Variants in KMT2B observed in about 807,000 individuals in gnomAD.
KMT2B encodes the protein histone-lysine N-methyltransferase 2B.
KMT2B carries 22 observed loss-of-function variants against 255.3 expected under a neutral mutation model. That is an observed-to-expected ratio of 0.09 (90% confidence interval 0.06 to 0.12). KMT2B has a LOEUF of 0.12. Among genes scored for constraint, KMT2B ranks in the 10% least tolerant of loss-of-function variants. KMT2B has a pLI of 1.00. For missense variants in KMT2B, 3,149 were observed against 3,737.0 expected, an observed-to-expected ratio of 0.84 and a Z score of 4.10; for synonymous variants, 1,730 against 1,498.1, an observed-to-expected ratio of 1.15 and a Z score of -3.57.
In KMT2B at chr19:35,722,483, G is replaced by T; in HGVS notation, c.2571+11G>T. The T allele has an allele frequency of 6.2e-7, 1 of 1,605,816 alleles. No homozygotes were observed. On this transcript the variant is annotated intron_variant, in intron 4 of 36. Transcript: ENST00000420124. ...AGAGAGCGGCCCTCAGTATGCATCG[G>T]GAGGAGGGCCCTGAAGAAGACTGGC...
At position 35,727,889 on chromosome 19, in the gene KMT2B, C is replaced by T. The variant is rs1290881150; in HGVS notation, c.4401C>T (p.Phe1467=). The change falls in exon 18 of 37, where the codon TTC becomes TTT. Residue 1467 remains phenylalanine, a synonymous_variant. Coordinates refer to ENST00000420124, the MANE Select transcript of KMT2B (RefSeq NM_014727.3). The surrounding 1 kb of genome is among the most constrained non-coding windows in gnomAD (Gnocchi z 4.2). ...GACAAACCCCCTTACAGCACAGCTT[C>T]ATGGAGGACATGGTGGGCATCCTCA... is the stretch of plus-strand genomic sequence containing the variant. The part of the protein sequence containing the change: ...EDGHYKSVHS[F]MEDMVGILMR... 3.7e-6 allele frequency: 6 copies of T among 1,605,548 alleles called. No individual in the cohort carries two copies. The highest frequency in any genetic ancestry group is 5.1e-6 in the Non-Finnish European group (6 of 1,174,296).
chr19:35,724,604 G>A, intron 8 of KMT2B, 33 bp from the exon 9 acceptor site: 1 of 1,536,408 alleles, frequency 6.5e-7, no homozygotes, highest in South Asian at 1.2e-5. Context: ...CGTGGAAGGG[G>A]AGTGACCTCA....
Position 35,737,263 on chromosome 19 carries a change from G to A in KMT2B, c.7550G>A (p.Arg2517Gln). 6.6e-7 allele frequency: 1 copy of A among 1,515,172 alleles called. No individual in the cohort carries two copies. Among genetic ancestry groups the A allele is most frequent in the South Asian group, 1.3e-5 (1 of 77,568 alleles). 93.9% of individuals were successfully genotyped at this position (1,515,172 alleles called of 1,614,324 possible). The part of the protein sequence containing the change: ...HGAARAEVYL[R>Q]KCTFDMFNFL... ...GCTGCTCGGGCAGAGGTCTATCTCCGGTGAGAGGTCTGGGGTGTGATGCCT... is the reference window on the plus strand; with the variant it reads ...GCTGCTCGGGCAGAGGTCTATCTCCAGTGAGAGGTCTGGGGTGTGATGCCT... The change falls in exon 33 of 37, where the codon CGG becomes CAG. Residue 2517 changes from arginine (R) to glutamine (Q), a missense_variant and splice_region_variant. By Grantham distance (43) the Arg-to-Gln change is conservative. Transcript: ENST00000420124. The surrounding 1 kb of genome is among the most constrained non-coding windows in gnomAD (Gnocchi z 5.3).
Position 35,732,017 on chromosome 19 carries a change from A to C in KMT2B, c.5547A>C (p.Ser1849=). The change falls in exon 27 of 37, where the codon TCA becomes TCC. Residue 1849 remains serine, a synonymous_variant. Coordinates refer to ENST00000420124, the MANE Select transcript of KMT2B (RefSeq NM_014727.3). ...TGGACCCTCCACTGCGGCCAGATTC[A>C]GGCAGCGCCCCTCCTCCAGCCCCCC... ...QNLDPPLRPD[S]GSAPPPAPRS... is the part of the protein sequence containing the mutation. The C allele has an allele frequency of 1.2e-6, 2 of 1,613,628 alleles. No homozygotes were observed. Among genetic ancestry groups the C allele is most frequent in the Non-Finnish European group, 1.7e-6 (2 of 1,179,742 alleles).
intron 3 of KMT2B, among the ~76,000 whole-genome samples, chr19:35,722,115 C>G (rs1224665138): frequency 6.6e-6 from 1 of 151,856 alleles, no homozygotes; most frequent in African/African-American, 2.4e-5. Flanking sequence ...AGAGATTCTC[C>G]TGCCTCAGTC....
rs1314049889 is a variant in KMT2B at position 35,733,014 on chromosome 19, C to A, written c.6465C>A (p.Ser2155Arg). ...GSQPSQGLTA[S>R]PADPTRTFAW... is the part of the protein sequence containing the mutation. ...AGCCCTCCCAAGGCCTGACCGCCAG[C>A]CCAGCTGACCCCACCCGCACATTTG... Residue 2155 changes from serine to arginine, a missense_variant, in exon 28 of 37, where the codon AGC (serine) becomes AGA (arginine). Ser to Arg is a moderately radical substitution (Grantham distance 110, BLOSUM62 -1). This residue lies in a region of KMT2B where 897 missense variants were observed against 825.3 expected (regional missense o/e 1.09). Transcript: ENST00000420124. The surrounding 1 kb of genome is among the most constrained non-coding windows in gnomAD (Gnocchi z 4.3). The A allele has an allele frequency of 6.3e-6, 10 of 1,593,564 alleles. No individual in the cohort carries two copies. The highest frequency in any genetic ancestry group is 8.5e-6 in the Non-Finnish European group (10 of 1,170,524).
At position 35,719,502 on chromosome 19, in the gene KMT2B, G is replaced by A. The variant is rs890837116; in HGVS notation, c.397G>A (p.Ala133Thr). The change falls in exon 2 of 37, where the codon GCC (alanine) becomes ACC (threonine). Residue 133 changes from alanine (A) to threonine (T), a missense_variant. Physicochemically the swap from Ala to Thr is moderately conservative, Grantham distance 58. Coordinates refer to ENST00000420124, the MANE Select transcript of KMT2B (RefSeq NM_014727.3). ...GGGTTTTCATTCAGATGAAGATGTG[G>A]CCCCCAGTTCCCTGCGCTCTGCGCT... is the stretch of plus-strand genomic sequence containing the variant. Reference protein sequence around the residue: ...FQGFHSDEDVAPSSLRSALRS... With the variant: ...FQGFHSDEDVTPSSLRSALRS... The A allele has an allele frequency of 1.9e-6, 3 of 1,591,580 alleles. No homozygotes were observed. The highest frequency in any genetic ancestry group is 2.6e-6 in the Non-Finnish European group (3 of 1,169,206).
rs758659305 is a variant in KMT2B at position 35,731,980 on chromosome 19, C to T, written c.5510C>T (p.Pro1837Leu). 5.6e-6 allele frequency: 9 copies of T among 1,613,688 alleles called. No individual in the cohort carries two copies. The South Asian group carries it at 9.9e-5, about 18-fold the overall frequency. The change falls in exon 27 of 37, where the codon CCC becomes CTC. Residue 1837 changes from proline (P) to leucine (L), a missense_variant. Transcript: ENST00000420124. ...LVPGAPERHS[P>L]IQNLDPPLRP... ...CCTGGAGCTCCTGAGCGCCACTCGC[C>T]CATTCAGAACCTGGACCCTCCACTG...
rs1428299731 is a variant in KMT2B, at chr19:35,730,105, A to G, written c.5056A>G (p.Thr1686Ala). ...DDKKVFCQKH[T>A]DLLDGKEIVN... ...CAAGAAAGTCTTCTGCCAGAAACAC[A>G]CTGATCTCCTGGATGGCAAGGTGGG... The change falls in exon 23 of 37, where the codon ACT (threonine) becomes GCT (alanine). Residue 1686 changes from threonine (T) to alanine (A), a missense_variant. Thr to Ala is a moderately conservative substitution (Grantham distance 58). Around this residue, in one of 18 missense-constraint regions of KMT2B, gnomAD observed 58 missense variants for 96.9 expected, o/e 0.60. Coordinates refer to ENST00000420124, the MANE Select transcript of KMT2B (RefSeq NM_014727.3). 8.7e-6 allele frequency: 14 copies of G among 1,613,634 alleles called. No homozygotes were observed. The highest frequency in any genetic ancestry group is 1.2e-5 in the Non-Finnish European group (14 of 1,179,772).
In KMT2B at chr19:35,737,957, G is replaced by C. The variant is rs746731367; in HGVS notation, c.7742+15G>C. 12 of 1,604,130 alleles carry C rather than the reference G, an allele frequency of 7.5e-6. No homozygotes were observed. Among genetic ancestry groups the C allele is most frequent in the African/African-American group, 4.0e-5 (3 of 74,766 alleles). ...GGTGTCTACAGGTGAGTGGGGTTGGGGGGGAGGATGCCCCTTGGGTGGACG... is the reference window on the plus strand; with the variant it reads ...GGTGTCTACAGGTGAGTGGGGTTGGCGGGGAGGATGCCCCTTGGGTGGACG... On this transcript the variant is annotated intron_variant, in intron 35 of 36. Coordinates refer to ENST00000420124, the MANE Select transcript of KMT2B (RefSeq NM_014727.3). The surrounding 1 kb of genome is among the most constrained non-coding windows in gnomAD (Gnocchi z 5.3).
rs1383314838 is a variant in KMT2B, at chr19:35,732,932, G to A, written c.6383G>A (p.Gly2128Asp). 1 of 1,608,386 alleles carries A rather than the reference G, an allele frequency of 6.2e-7. No individual in the cohort carries two copies. ...LKNLGGPGDG[G>D]AGPREESLPP... ...AACCTAGGGGGTCCTGGGGATGGAG[G>A]TGCTGGCCCTAGAGAGGAGTCACTC... The change falls in exon 28 of 37, where the codon GGT (glycine) becomes GAT (aspartate). Residue 2128 changes from glycine to aspartate, a missense_variant. Gly to Asp is a moderately conservative substitution (Grantham distance 94). This residue lies in a region of KMT2B where 897 missense variants were observed against 825.3 expected (regional missense o/e 1.09). Coordinates refer to ENST00000420124, the MANE Select transcript of KMT2B (RefSeq NM_014727.3).
At chr19:35,728,072 T>C (rs1364066871) in intron 18 of KMT2B, 26 bp from the exon 19 acceptor site, 3 of 1,580,990 alleles carry the variant, frequency 1.9e-6, no homozygotes, top group African/African-American at 2.7e-5. Context: ...AGCTGGCTCT[T>C]CTCATCCTGT....
chr19:35,720,289 A>G lies in KMT2B; in HGVS notation c.942A>G (p.Val314=). ...AGTTTGTTTCAAGGGCCAAAAAAGTAAAGATGGGACAATTGTCCTTGGGAC... is the reference window on the plus strand; with the variant it reads ...AGTTTGTTTCAAGGGCCAAAAAAGTGAAGATGGGACAATTGTCCTTGGGAC... ...VIKFVSRAKK[V]KMGQLSLGLE... The change falls in exon 3 of 37, where the codon GTA becomes GTG. Residue 314 remains valine, a synonymous_variant. Coordinates refer to ENST00000420124, the MANE Select transcript of KMT2B (RefSeq NM_014727.3). The G allele has an allele frequency of 6.2e-7, 1 of 1,613,460 alleles. No individual in the cohort carries two copies. The highest frequency in any genetic ancestry group is 1.1e-5 in the South Asian group (1 of 90,956).
Position 35,737,223 on chromosome 19 carries a change from C to A in KMT2B, c.7510C>A (p.Leu2504Met). ...GGGAGAGGGCCAGGAGGAGCCGCCC[C>A]TGAATCCCCATGGGGCTGCTCGGGC... ...QQGEGQEEPP[L>M]NPHGAARAEV... Residue 2504 changes from leucine to methionine, a missense_variant, in exon 33 of 37, where the codon CTG becomes ATG. Leu to Met is a conservative substitution (Grantham distance 15, BLOSUM62 2). This residue lies in a region of KMT2B where 103 missense variants were observed against 200.7 expected (regional missense o/e 0.51). Coordinates refer to ENST00000420124, the MANE Select transcript of KMT2B (RefSeq NM_014727.3). This position sits in a 1 kb window ranked among gnomAD's most constrained non-coding sequence, Gnocchi z 5.3. 1 of 1,577,400 alleles carries A rather than the reference C, an allele frequency of 6.3e-7. No individual in the cohort carries two copies. Among genetic ancestry groups the A allele is most frequent in the Non-Finnish European group, 8.6e-7 (1 of 1,162,020 alleles).
rs1434196447 is a variant in KMT2B, at chr19:35,727,484, C to T, written c.4164C>T (p.Tyr1388=). The change falls in exon 16 of 37, where the codon TAC becomes TAT. Residue 1388 remains tyrosine (Y), a synonymous_variant. Transcript: ENST00000420124. This position sits in a 1 kb window ranked among gnomAD's most constrained non-coding sequence, Gnocchi z 4.2. ...CAGGACTGCCAGACTCGGTGCTGTA[C>T]ACCTGCGGACCGTGTGCTGGGGCAG... is the stretch of plus-strand genomic sequence containing the variant. ...ILSGLPDSVL[Y]TCGPCAGAAQ... 2 of 1,612,664 alleles carry T rather than the reference C, an allele frequency of 1.2e-6. No individual in the cohort carries two copies. Among genetic ancestry groups the T allele is most frequent in the South Asian group, 1.1e-5 (1 of 91,088 alleles).
intron 14 of KMT2B, 50 bp downstream of exon 14, chr19:35,726,403 C>A: frequency 7.9e-7 from 1 of 1,269,642 alleles, no homozygotes; most frequent in Non-Finnish European, 1.2e-6. Context: ...GGGGAATGGC[C>A]AGGCTCTTTT....
intron 19 of KMT2B, 56 bp downstream of exon 19, chr19:35,728,227 A>G: frequency 6.8e-7 from 1 of 1,463,202 alleles, no homozygotes; most frequent in Non-Finnish European, 9.4e-7. Flanking sequence ...AGGCCAGGGC[A>G]TGCAGGGGCC....
chr19:35,728,844 C>T lies in KMT2B; in HGVS notation c.4642C>T (p.Pro1548Ser), dbSNP rs750840223. 1.2e-6 allele frequency: 2 copies of T among 1,613,812 alleles called. No individual in the cohort carries two copies. The highest frequency in any genetic ancestry group is 1.3e-5 in the African/African-American group (1 of 74,888). ...CTATGCGCAGTGGAGACAGCAGGAA[C>T]CAGAGACCCCAGAATCAGGGCAGCC... ...HVYAQWRQQE[P>S]ETPESGQPPG... The change falls in exon 20 of 37, where the codon CCA (proline) becomes TCA (serine). Residue 1548 changes from proline to serine, a missense_variant. Physicochemically the swap from Pro to Ser is moderately conservative, Grantham distance 74. Coordinates refer to ENST00000420124, the MANE Select transcript of KMT2B (RefSeq NM_014727.3).
chr19:35,720,870 A>T lies in KMT2B; in HGVS notation c.1523A>T (p.Glu508Val), dbSNP rs1272169874. The T allele has an allele frequency of 5.0e-6, 8 of 1,591,166 alleles. No homozygotes were observed. Among genetic ancestry groups the T allele is most frequent in the Non-Finnish European group, 6.8e-6 (8 of 1,169,540 alleles). Residue 508 changes from glutamate (E) to valine (V), a missense_variant, in exon 3 of 37, where the codon GAA (glutamate) becomes GTA (valine). This residue lies in a region of KMT2B where 1,188 missense variants were observed against 1,106.4 expected (regional missense o/e 1.07). Transcript: ENST00000420124. ...AGCACCGCCACGGGAGGCCCTCCGGAAGACAGTCCCACCGTGGCCCCCAAA... is the reference window on the plus strand; with the variant it reads ...AGCACCGCCACGGGAGGCCCTCCGGTAGACAGTCCCACCGTGGCCCCCAAA... ...TPSTATGGPP[E>V]DSPTVAPKST...
Sources: allele counts gnomAD v4.1 joint callset (sites outside exome capture counted in the v4.1 genomes callset), GRCh38; gene constraint gnomAD v4.1.1; regional missense constraint gnomAD v4.1.1; non-coding constraint Gnocchi (gnomAD v3.1); transcripts MANE v1.5; gene names NCBI Gene and HGNC (gene_info 2026-07-23, HGNC 2026-07-21).